CACNA1I: variants seen among roughly 807,000 people sequenced by gnomAD.
CACNA1I encodes voltage-dependent T-type calcium channel subunit alpha-1I.
Under a neutral mutation model 201.6 loss-of-function variants are expected in CACNA1I, and 74 were observed. The observed-to-expected ratio is 0.37, with a 90% CI of 0.30 to 0.45. CACNA1I has a LOEUF of 0.45. Ranked by LOEUF, CACNA1I falls within the 20% of genes least tolerant of loss-of-function variation. The pLI is 1.00. For missense variants in CACNA1I, 2,346 were observed against 3,138.1 expected, an observed-to-expected ratio of 0.75 and a Z score of 6.03; for synonymous variants, 1,431 against 1,345.2, an observed-to-expected ratio of 1.06 and a Z score of -1.40.
intron 28 of CACNA1I, 147 bp downstream of exon 28, chr22:39,673,229 T>A: frequency 2.3e-6 from 2 of 868,906 alleles, no homozygotes; most frequent in Non-Finnish European, 3.5e-6. Context: ...TGAACAGGGG[T>A]GAGAAGGAGC....
intron 3 of CACNA1I, among the ~76,000 whole-genome samples, chr22:39,612,799 G>A (rs983605623): frequency 1.7e-4 from 26 of 152,170 alleles, no homozygotes; most frequent in Non-Finnish European, 3.2e-4. Context: ...AAGGGTTAAT[G>A]TCATTACTCC....
chr22:39,660,915 G>C (rs1379438222), intron 15 of CACNA1I, among the ~76,000 whole-genome samples, 193 bp from the exon 16 acceptor site: 2 of 152,120 alleles, frequency 1.3e-5, no homozygotes, highest in Admixed American at 6.5e-5. Context: ...ATAAAGCTAA[G>C]AGCCCTGCAG....
Position 39,640,605 on chromosome 22 carries a change from G to C in CACNA1I, c.741-262G>C, listed in dbSNP as rs559448841. On this transcript the variant is annotated intron_variant, in intron 5 of 36. Transcript: ENST00000402142. Reference sequence around the variant, plus strand: ...GTCCAGACTCCCGAGGGAGTTGAGGGCATCTCCCCCAGGAGCCATAATGAA... The same window carrying C: ...GTCCAGACTCCCGAGGGAGTTGAGGCCATCTCCCCCAGGAGCCATAATGAA... 4.6e-5 allele frequency among the ~76,000 whole-genome samples: 7 copies of C among 152,140 alleles called. 1 individual carries two copies. The South Asian group carries it at 1.5e-3, about 32-fold the overall frequency.
Position 39,649,874 on chromosome 22 carries a change from G to A in CACNA1I, c.1941G>A (p.Met647Ile). 6.2e-7 allele frequency: 1 copy of A among 1,613,592 alleles called. No homozygotes were observed. The highest frequency in any genetic ancestry group is 8.5e-7 in the Non-Finnish European group (1 of 1,179,740). ...GCAAGTACTTCAACCGGGGCATCAT[G>A]ATGGCCATCCTGGTCAACACCGTCA... ...VDSKYFNRGI[M>I]MAILVNTVSM... The change falls in exon 10 of 37, where the codon ATG becomes ATA. Residue 647 changes from methionine to isoleucine, a missense_variant. Met to Ile is a conservative substitution (Grantham distance 10, BLOSUM62 1). Around this residue, in one of 13 missense-constraint regions of CACNA1I, gnomAD observed 312 missense variants for 331.5 expected, o/e 0.94. Coordinates refer to ENST00000402142, the MANE Select transcript of CACNA1I (RefSeq NM_021096.4). The surrounding 1 kb of genome is among the most constrained non-coding windows in gnomAD (Gnocchi z 7.3).
chr22:39,598,287 C>CGG, intron 2 of CACNA1I, 25 bp downstream of exon 2: 1 of 1,317,300 alleles, frequency 7.6e-7, no homozygotes, highest in South Asian at 1.3e-5. Context: ...CCGCCCCGCC[C>CGG]CGCCCTGCCC....
At position 39,647,832 on chromosome 22, in the gene CACNA1I, T is replaced by A. The variant is rs780428622; in HGVS notation, c.1473T>A (p.Thr491=). 2 of 1,604,534 alleles carry A rather than the reference T, an allele frequency of 1.2e-6. No individual in the cohort carries two copies. The highest frequency in any genetic ancestry group is 1.7e-6 in the Non-Finnish European group (2 of 1,171,536). Residue 491 remains threonine (T), a synonymous_variant, in exon 9 of 37, where the codon ACT becomes ACA. Transcript: ENST00000402142. ...ATCTCCACTTTTCAGATGGGAAGAC[T>A]AAGGGTCAGGGAGATGAAGGGAGAC... ...AKEPRHYHGK[T]KGQGDEGRHL... is the part of the protein sequence containing the mutation.
intron 1 of CACNA1I, among the ~76,000 whole-genome samples, chr22:39,575,488 T>G (rs1932314223): frequency 6.6e-6 from 1 of 152,186 alleles, no homozygotes; most frequent in Non-Finnish European, 1.5e-5. Context: ...GTCAACACTC[T>G]GCTTGCTGTA....
At position 39,687,941 on chromosome 22, in the gene CACNA1I, T is replaced by C. The variant is rs1935934528; in HGVS notation, c.*1536T>C. 1 of 152,204 alleles carries C rather than the reference T, an allele frequency of 6.6e-6. No individual in the cohort carries two copies. The allele number at this position is 152,204 out of a possible 1,614,324, so 9.4% of individuals were successfully genotyped here. ...GGCCACGAGTTTGCAGATGCTGTAC[T>C]TCAGCAATAACCTTGCCTTTGCTAA... On this transcript the variant is annotated 3_prime_UTR_variant, in exon 37 of 37. Coordinates refer to ENST00000402142, the MANE Select transcript of CACNA1I (RefSeq NM_021096.4).
intron 28 of CACNA1I, among the ~76,000 whole-genome samples, 172 bp from the exon 29 acceptor site, chr22:39,673,791 C>T (rs992573038): frequency 9.2e-5 from 14 of 152,214 alleles, no homozygotes; most frequent in Non-Finnish European, 1.8e-4. Flanking sequence ...GCATGCCCCA[C>T]TCACCCTGTG....
rs774843121 is a variant in CACNA1I at position 39,659,707 on chromosome 22, A to T, written c.2459A>T (p.Gln820Leu). ...GTGTCTCCCCAACAGATCCTCACCC[A>T]GGAGGACTGGAACGTCGTTCTCTAC... ...AIVTVFQILTQEDWNVVLYNG... is the reference protein window; with the variant it reads ...AIVTVFQILTLEDWNVVLYNG... Residue 820 changes from glutamine to leucine, a missense_variant, in exon 14 of 37, where the codon CAG becomes CTG. Physicochemically the swap from Gln to Leu is moderately radical, Grantham distance 113 (BLOSUM62 -2). Coordinates refer to ENST00000402142, the MANE Select transcript of CACNA1I (RefSeq NM_021096.4). This position sits in a 1 kb window ranked among gnomAD's most constrained non-coding sequence, Gnocchi z 4.3. 1 of 1,613,868 alleles carries T rather than the reference A, an allele frequency of 6.2e-7. No homozygotes were observed. Among genetic ancestry groups the T allele is most frequent in the Non-Finnish European group, 8.5e-7 (1 of 1,179,850 alleles).
chr22:39,571,760 A>T, intron 1 of CACNA1I, among the ~76,000 whole-genome samples: 1 of 152,210 alleles, frequency 6.6e-6, no homozygotes, highest in Non-Finnish European at 1.5e-5. Context: ...GCCCTCTGGG[A>T]TTCCTCCTCT....
chr22:39,573,805 T>C (rs113910482), intron 1 of CACNA1I, among the ~76,000 whole-genome samples: 7 of 152,208 alleles, frequency 4.6e-5, no homozygotes, highest in African/African-American at 1.7e-4. Context: ...GAGACAACAG[T>C]GGGGCTGGCC....
At chr22:39,637,825 A>T (rs544055189) in intron 5 of CACNA1I, among the ~76,000 whole-genome samples, 131 of 152,222 alleles carry the variant, frequency 8.6e-4, no homozygotes, top group Non-Finnish European at 1.6e-3. Flanking sequence ...AAAGGTTGTG[A>T]AAATATCTTC....
intron 16 of CACNA1I, among the ~76,000 whole-genome samples, chr22:39,661,713 A>G (rs1323113640): frequency 6.6e-6 from 1 of 152,234 alleles, no homozygotes; most frequent in Non-Finnish European, 1.5e-5. Context: ...AACTTGCTGT[A>G]CCTTCCTCAA....
intron 26 of CACNA1I, 43 bp from the exon 27 acceptor site, chr22:39,672,156 A>C: frequency 8.0e-7 from 1 of 1,248,408 alleles, no homozygotes; most frequent in Non-Finnish European, 1.2e-6. Context: ...GTTGTGGAGC[A>C]GGTCATGTGC....
rs574438391 is a variant in CACNA1I, at chr22:39,635,235, C to T, written c.740+511C>T. Among the ~76,000 whole-genome samples, 2 of 152,244 alleles carry T rather than the reference C, an allele frequency of 1.3e-5. 1 individual carries two copies. Among genetic ancestry groups the T allele is most frequent in the South Asian group, 4.1e-4 (2 of 4,822 alleles). Reference sequence around the variant, plus strand: ...CATTTCAGATATGCATGGCGTGCACCGACTAAGTGCCAGGCCCCAGGGAGT... The same window carrying T: ...CATTTCAGATATGCATGGCGTGCACTGACTAAGTGCCAGGCCCCAGGGAGT... On this transcript the variant is annotated intron_variant, in intron 5 of 36. Coordinates refer to ENST00000402142, the MANE Select transcript of CACNA1I (RefSeq NM_021096.4).
intron 1 of CACNA1I, among the ~76,000 whole-genome samples, chr22:39,591,299 T>G: frequency 6.6e-6 from 1 of 151,662 alleles, no homozygotes; most frequent in East Asian, 2.0e-4. Context: ...GTAGCTGGGA[T>G]TACAGATGCC....
At chr22:39,652,026 G>C (rs1934664931) in intron 10 of CACNA1I, among the ~76,000 whole-genome samples, 1 of 140,426 alleles carries the variant, frequency 7.1e-6, no homozygotes. Context: ...TCCAACCTCG[G>C]ATCTGGTGGA....
At chr22:39,630,096 C>A (rs1934016007) in intron 4 of CACNA1I, among the ~76,000 whole-genome samples, 2 of 152,194 alleles carry the variant, frequency 1.3e-5, no homozygotes, top group South Asian at 2.1e-4. Context: ...TTTGTCCAGG[C>A]TGCCTCCGAC....
Sources: allele counts gnomAD v4.1 joint callset (sites outside exome capture counted in the v4.1 genomes callset), GRCh38; gene constraint gnomAD v4.1.1; regional missense constraint gnomAD v4.1.1; non-coding constraint Gnocchi (gnomAD v3.1); transcripts MANE v1.5; gene names NCBI Gene and HGNC (gene_info 2026-07-23, HGNC 2026-07-21).